KCTD1: variants seen among roughly 807,000 people sequenced by gnomAD.
KCTD1 encodes potassium channel tetramerization domain containing 1.
A neutral mutation model predicts 66.0 loss-of-function variants in KCTD1; 24 were observed. The observed-to-expected ratio is 0.36, with a 90% CI of 0.26 to 0.51. KCTD1 has a LOEUF of 0.51. Ranked by LOEUF, KCTD1 falls within the 20% of genes least tolerant of loss-of-function variation. The pLI is 0.95. For missense variants in KCTD1, 943 were observed against 1,205.2 expected (o/e 0.78, Z 3.22); for synonymous variants, 511 against 517.2 (o/e 0.99, Z 0.16).
chr18:26,549,176 G>A, upstream of KCTD1: 3 of 985,750 alleles, frequency 3.0e-6, no homozygotes, highest in Non-Finnish European at 3.6e-6. Flanking sequence ...GGCGCCCGCG[G>A]CCAGGGCGCA....
chr18:26,651,799 A>AAGAAGAAGAAG (rs1555649804), intron 1 of KCTD1, among the ~76,000 whole-genome samples: 2 of 117,116 alleles, frequency 1.7e-5, no homozygotes, highest in Non-Finnish European at 3.4e-5. Context: ...AAAAAAAAAA[A>AAGAAGAAGAAG]AAGAAGAAGA....
intron 1 of KCTD1, among the ~76,000 whole-genome samples, chr18:26,638,804 A>G (rs1262294893): frequency 6.6e-6 from 1 of 152,216 alleles, no homozygotes; most frequent in Non-Finnish European, 1.5e-5. Flanking sequence ...TCTGCACATT[A>G]TTCATTTTGC....
chr18:26,546,018 A>AG (rs1567988056), intron 1 of KCTD1, among the ~76,000 whole-genome samples: 1 of 152,084 alleles, frequency 6.6e-6, no homozygotes, highest in Admixed American at 6.6e-5. Flanking sequence ...CCGTGGGGCT[A>AG]GGGGGAGACA....
chr18:26,549,171 C>T, upstream of KCTD1: 5 of 985,430 alleles, frequency 5.1e-6, no homozygotes, highest in East Asian at 1.2e-4. Flanking sequence ...CTCTCGGCGC[C>T]CGCGGCCAGG....
At chr18:26,514,547 CTCAAAAAAAA>C (rs747432509) in intron 1 of KCTD1, among the ~76,000 whole-genome samples, 32 of 81,046 alleles carry the variant, frequency 3.9e-4, no homozygotes, top group Admixed American at 6.0e-4. Flanking sequence ...GAGACCTTGT[CTCAAAAAAAA>C]AAAAAAAAAA....
chr18:26,519,797 G>T lies in KCTD1; in HGVS notation c.1810-18547C>A, dbSNP rs563577298. On this transcript the variant is annotated intron_variant, in intron 1 of 4. Transcript: ENST00000580059. The stretch of plus-strand genomic sequence containing the variant: ...TAAAGAGAAAGACGGGAGGAGGTAA[G>T]AAATTAGCATATTTGAAATGTAAAA... 5.3e-5 allele frequency among the ~76,000 whole-genome samples: 8 copies of T among 152,350 alleles called. No homozygotes were observed. The South Asian group carries it at 1.7e-3, about 32-fold the overall frequency.
chr18:26,481,592 G>A (rs1360936073), intron 2 of KCTD1, among the ~76,000 whole-genome samples: 1 of 152,152 alleles, frequency 6.6e-6, no homozygotes, highest in Non-Finnish European at 1.5e-5. Flanking sequence ...ATGTTGTCAG[G>A]GACAGTAAGT....
rs1293113036 is a variant in KCTD1, at chr18:26,455,288, G to GTGTT, written c.*451_*454dup. 2 of 152,978 alleles carry GTGTT rather than the reference G, an allele frequency of 1.3e-5. No individual in the cohort carries two copies. Among genetic ancestry groups the GTGTT allele is most frequent in the East Asian group, 3.8e-4 (2 of 5,250 alleles). 9.5% of individuals were successfully genotyped at this position (152,978 alleles called of 1,614,324 possible). A position where few individuals can be genotyped will look rare whatever the true frequency, so the allele number is the denominator to read the frequency against. ...CATATACAAACAAACTTGATTCAAGGTGTTTTGTTTGTTTTGTTTTTTTAA... is the reference window on the plus strand; with the variant it reads ...CATATACAAACAAACTTGATTCAAGGTGTTTGTTTTGTTTGTTTTGTTTTTTTAA... On this transcript the variant is annotated 3_prime_UTR_variant, in exon 5 of 5. Coordinates refer to ENST00000580059, the MANE Select transcript of KCTD1 (RefSeq NM_001142730.3).
At chr18:26,516,297 G>T (rs183819343) in intron 1 of KCTD1, among the ~76,000 whole-genome samples, 1 of 152,310 alleles carries the variant, frequency 6.6e-6, no homozygotes, top group Admixed American at 6.5e-5. Context: ...GGTTGCTAAT[G>T]CCTGTGTGCT....
rs1438212796 is a variant in KCTD1, at chr18:26,454,996, T to G, written c.*747A>C. The G allele has an allele frequency of 1.3e-5, 2 of 152,714 alleles. No homozygotes were observed. Among genetic ancestry groups the G allele is most frequent in the Non-Finnish European group, 2.9e-5 (2 of 68,052 alleles). 9.5% of individuals were successfully genotyped at this position (152,714 alleles called of 1,614,324 possible). ...ACCTTATTTTTTAAACAGAGTTTAT[T>G]GTATTTAATACATTATAAAATTTGA... On this transcript the variant is annotated 3_prime_UTR_variant, in exon 5 of 5. Transcript: ENST00000580059.
chr18:26,511,314 GA>G (rs1983316611), intron 1 of KCTD1, among the ~76,000 whole-genome samples: 1 of 152,200 alleles, frequency 6.6e-6, no homozygotes, highest in Non-Finnish European at 1.5e-5. Context: ...CACAGAAGAC[GA>G]TTTCATTTGA....
At chr18:26,570,490 C>G (rs1373813812) in intron 1 of KCTD1, among the ~76,000 whole-genome samples, 2 of 152,082 alleles carry the variant, frequency 1.3e-5, no homozygotes, top group Non-Finnish European at 2.9e-5. Context: ...CTCACTGCAG[C>G]CTCGACCTCC....
intron 3 of KCTD1, among the ~76,000 whole-genome samples, chr18:26,474,770 T>C (rs2144596518): frequency 6.6e-6 from 1 of 152,168 alleles, no homozygotes; most frequent in Non-Finnish European, 1.5e-5. Context: ...AATTCAACTA[T>C]TTTTTTTAAA....
intron 1 of KCTD1, among the ~76,000 whole-genome samples, chr18:26,637,968 G>C (rs543722): frequency 1 from 151,638 of 152,328 alleles, 75,482 homozygotes; most frequent in Middle Eastern, 1. Context: ...TTAGCAAGGA[G>C]AGTCTGATTT....
At chr18:26,580,631 T>C (rs973237425) in intron 1 of KCTD1, among the ~76,000 whole-genome samples, 4 of 152,154 alleles carry the variant, frequency 2.6e-5, no homozygotes, top group Non-Finnish European at 5.9e-5. Context: ...GAAACTCACA[T>C]ACCAGAGGAC....
At chr18:26,655,784 G>A (rs1177443857) in intron 1 of KCTD1, 1 of 152,294 alleles carries the variant, frequency 6.6e-6, no homozygotes, top group South Asian at 2.1e-4. Context: ...GTCTACCCGC[G>A]ACAGTTCGCA....
At chr18:26,643,730 A>G (rs1016010958), upstream of KCTD1, among the ~76,000 whole-genome samples, 1 of 152,136 alleles carries the variant, frequency 6.6e-6, no homozygotes, top group Non-Finnish European at 1.5e-5. Flanking sequence ...TGGGAGGCCA[A>G]GGCGGGCATA....
intron 1 of KCTD1, among the ~76,000 whole-genome samples, chr18:26,602,668 G>A (rs776789793): frequency 3.3e-5 from 5 of 152,118 alleles, no homozygotes; most frequent in Non-Finnish European, 7.4e-5. Flanking sequence ...CAGGCATCAG[G>A]AACTTATCAG....
chr18:26,556,642 G>C lies in KCTD1; in HGVS notation c.-15-55392C>G, dbSNP rs965479084. On this transcript the variant is annotated intron_variant, in intron 1 of 4. Transcript: ENST00000317932. ...TCTTTCTTGCTAACGTTTAGTGAAT[G>C]CTTGCTGTGGGCCTAGGTTTTTACA... 5.3e-5 allele frequency among the ~76,000 whole-genome samples: 8 copies of C among 152,208 alleles called. 1 individual carries two copies. The highest frequency in any genetic ancestry group is 4.6e-4 in the Admixed American group (7 of 15,288).
Sources: gnomAD v4.1 joint callset for allele counts (sites outside exome capture counted in the v4.1 genomes callset) on GRCh38, gnomAD v4.1.1 for gene constraint, MANE v1.5 for transcripts, NCBI Gene and HGNC (gene_info 2026-07-23, HGNC 2026-07-21) for gene names.